PTPRD: variants seen among roughly 807,000 people sequenced by gnomAD.
PTPRD encodes receptor-type tyrosine-protein phosphatase delta.
In PTPRD, 34 loss-of-function variants were observed where a neutral mutation model predicts 214.5. The ratio of observed to expected loss-of-function variants is 0.16; its 90% CI spans 0.12 to 0.21. The LOEUF is 0.21. PTPRD is among the 10% of genes least tolerant of loss of function. PTPRD has a pLI of 1.00. For synonymous variants in PTPRD, 1,128 were observed against 845.7 expected, an observed-to-expected ratio of 1.33 and a Z score of -5.79; for missense variants, 2,545 against 2,398.7, an observed-to-expected ratio of 1.06 and a Z score of -1.27.
intron 2 of PTPRD, among the ~76,000 whole-genome samples, chr9:10,369,793 C>T (rs2097577708): frequency 1.3e-5 from 2 of 151,870 alleles, no homozygotes; most frequent in African/African-American, 4.8e-5. Context: ...AAGTGAGCTA[C>T]ACAGCACATT....
At chr9:10,130,374 G>C (rs1010966748) in intron 3 of PTPRD, among the ~76,000 whole-genome samples, 1 of 151,914 alleles carries the variant, frequency 6.6e-6, no homozygotes, top group Non-Finnish European at 1.5e-5. Flanking sequence ...TTAGTACAAA[G>C]CCCACTTTGT....
intron 5 of PTPRD, among the ~76,000 whole-genome samples, chr9:9,792,895 G>C (rs1477873060): frequency 1.3e-5 from 2 of 152,060 alleles, no homozygotes; most frequent in East Asian, 3.9e-4. Context: ...ATATAAACAT[G>C]GTCTAAATTT....
chr9:8,871,730 AG>A (rs1182279026), intron 11 of PTPRD, among the ~76,000 whole-genome samples: 1 of 152,144 alleles, frequency 6.6e-6, no homozygotes, highest in Non-Finnish European at 1.5e-5. Context: ...TCCAACGTGT[AG>A]GCAAAAGACA....
chr9:9,847,112 T>C (rs1401661131), intron 5 of PTPRD, among the ~76,000 whole-genome samples: 1 of 152,148 alleles, frequency 6.6e-6, no homozygotes, highest in Non-Finnish European at 1.5e-5. Context: ...TAAATACTCT[T>C]AAGTAGAACG....
chr9:10,214,429 A>ATTT lies in PTPRD; in HGVS notation c.-545+126531_-545+126533dup, dbSNP rs35115543. Reference sequence around the variant, plus strand: ...GTAGCTGGGATTACCAAGCCCAACTATTTTTTTTTTTTTTTTTTTGCATTT... The same window carrying ATTT: ...GTAGCTGGGATTACCAAGCCCAACTATTTTTTTTTTTTTTTTTTTTTTGCATTT... On this transcript the variant is annotated intron_variant, in intron 3 of 45. Transcript: ENST00000381196. Among the ~76,000 whole-genome samples the ATTT allele has an allele frequency of 3.3e-3, 400 of 120,732 alleles. 5 individuals are homozygous for ATTT. Among genetic ancestry groups the ATTT allele is most frequent in the African/African-American group, 0.01 (335 of 32,734 alleles). 79.2% of individuals were successfully genotyped at this position (120,732 alleles called of 152,430 possible).
chr9:10,101,768 A>G (rs2098553935), intron 3 of PTPRD, among the ~76,000 whole-genome samples: 1 of 151,744 alleles, frequency 6.6e-6, no homozygotes, highest in African/African-American at 2.4e-5. Context: ...GTACTCAGTA[A>G]GAGTGATATA....
rs569244834 is a variant in PTPRD at position 10,426,790 on chromosome 9, G to A, written c.-599-85773C>T. Among the ~76,000 whole-genome samples, 3 of 152,142 alleles carry A rather than the reference G, an allele frequency of 2.0e-5. No homozygotes were observed. The East Asian group carries it at 5.8e-4, about 30-fold the overall frequency. On this transcript the variant is annotated intron_variant, in intron 2 of 45. Coordinates refer to ENST00000381196, the MANE Select transcript of PTPRD (RefSeq NM_002839.4). ...TTACCTTGGATTGGCATATTGGCCT[G>A]AATAATACTGTAGCCAAAACGCATC...
intron 2 of PTPRD, among the ~76,000 whole-genome samples, chr9:10,488,423 G>T (rs1199748479): frequency 6.7e-6 from 1 of 150,028 alleles, no homozygotes; most frequent in Non-Finnish European, 1.5e-5. Context: ...GCATAGCACT[G>T]TGTCTTGCCC....
intron 11 of PTPRD, among the ~76,000 whole-genome samples, chr9:8,993,897 T>C (rs1050458767): frequency 1.3e-5 from 2 of 152,026 alleles, no homozygotes; most frequent in African/African-American, 4.8e-5. Flanking sequence ...CATGAGCAAA[T>C]GACAATAAAA....
At chr9:8,986,902 A>T (rs1216857823) in intron 11 of PTPRD, among the ~76,000 whole-genome samples, 3 of 152,046 alleles carry the variant, frequency 2.0e-5, no homozygotes, top group Non-Finnish European at 4.4e-5. Context: ...GTACTACTTT[A>T]ACAATTGTCT....
At position 9,367,720 on chromosome 9, in the gene PTPRD, C is replaced by G. The variant is rs555858229; in HGVS notation, c.-203+29729G>C. On this transcript the variant is annotated intron_variant, in intron 9 of 45. Transcript: ENST00000381196. The stretch of plus-strand genomic sequence containing the variant: ...TCGGACAAAAAAATAGCTCCAATTT[C>G]CTGGGTGTGGAGAGGCTATCACAGG... Among the ~76,000 whole-genome samples the G allele has an allele frequency of 8.6e-5, 13 of 151,722 alleles. No homozygotes were observed. In the East Asian group the frequency reaches 2.5e-3, roughly 30 times the overall value.
chr9:9,347,742 G>C (rs1415218643), intron 9 of PTPRD, among the ~76,000 whole-genome samples: 1 of 152,078 alleles, frequency 6.6e-6, no homozygotes, highest in Non-Finnish European at 1.5e-5. Flanking sequence ...GGTTATAATG[G>C]TATTCTTATG....
intron 8 of PTPRD, among the ~76,000 whole-genome samples, chr9:9,450,950 TACACACACAC>T (rs145703989): frequency 2.8e-4 from 38 of 136,684 alleles, no homozygotes; most frequent in South Asian, 1.9e-3. Context: ...CATACATACA[TACACACACAC>T]ACACACACAC....
At chr9:9,199,618 T>C (rs1201406606) in intron 9 of PTPRD, among the ~76,000 whole-genome samples, 2 of 152,176 alleles carry the variant, frequency 1.3e-5, no homozygotes, top group African/African-American at 4.8e-5. Flanking sequence ...CAGATCACCA[T>C]ATTTGGAAAG....
intron 21 of PTPRD, among the ~76,000 whole-genome samples, chr9:8,510,895 T>C (rs1447045017): frequency 1.3e-5 from 2 of 152,122 alleles, no homozygotes; most frequent in East Asian, 3.9e-4. Flanking sequence ...AAACACTTTG[T>C]TTTCTCTGGA....
chr9:9,535,581 A>G (rs781540184), intron 8 of PTPRD, among the ~76,000 whole-genome samples: 12 of 152,124 alleles, frequency 7.9e-5, no homozygotes, highest in Non-Finnish European at 1.5e-4. Context: ...TTTTTTTAAA[A>G]GCAGCCAATG....
intron 5 of PTPRD, among the ~76,000 whole-genome samples, chr9:9,876,148 T>C (rs1458301198): frequency 2.0e-5 from 3 of 152,240 alleles, no homozygotes; most frequent in East Asian, 1.9e-4. Flanking sequence ...ACTATGATTA[T>C]GGGTACCTGA....
At chr9:8,405,755 A>G (rs2092913554) in intron 35 of PTPRD, among the ~76,000 whole-genome samples, 1 of 152,136 alleles carries the variant, frequency 6.6e-6, no homozygotes, top group African/African-American at 2.4e-5. Context: ...TTTTTTTAAA[A>G]TATACTCTAT....
chr9:9,007,142 A>G (rs1221406537), intron 11 of PTPRD, among the ~76,000 whole-genome samples: 1 of 152,052 alleles, frequency 6.6e-6, no homozygotes, highest in African/African-American at 2.4e-5. Flanking sequence ...ATGAAAAGCT[A>G]CATTAAATTT....
Sources: gnomAD v4.1 joint callset for allele counts (sites outside exome capture counted in the v4.1 genomes callset) on GRCh38, gnomAD v4.1.1 for gene constraint, MANE v1.5 for transcripts, NCBI Gene and HGNC (gene_info 2026-07-23, HGNC 2026-07-21) for gene names.